The following PPIC variants were observed in gnomAD, a reference collection of about 807,000 sequenced individuals.
PPIC encodes the protein peptidylprolyl isomerase C, also known as peptidyl-prolyl cis-trans isomerase C.
PPIC carries 19 observed loss-of-function variants against 19.5 expected under a neutral mutation model. The observed-to-expected ratio is 0.98, with a 90% CI of 0.68 to 1.43. PPIC has a LOEUF of 1.43. Among genes scored for constraint, PPIC ranks in the 40% most tolerant of loss-of-function variants. The pLI, the probability that PPIC is intolerant of heterozygous loss-of-function variation, is 0.00. For missense variants in PPIC, 268 were observed against 268.6 expected, an observed-to-expected ratio of 1.00 and a Z score of 0.02; for synonymous variants, 107 against 101.2, an observed-to-expected ratio of 1.06 and a Z score of -0.34.
intron 1 of PPIC, among the ~76,000 whole-genome samples, chr5:123,031,110 T>C (rs1344699451): frequency 6.6e-6 from 1 of 152,228 alleles, no homozygotes; most frequent in Non-Finnish European, 1.5e-5. Context: ...TTCAGCTTCA[T>C]GAGTGAGCAT....
At chr5:123,029,502 T>C (rs1053954557) in intron 1 of PPIC, 84 bp from the exon 2 acceptor site, 24 of 1,463,176 alleles carry the variant, frequency 1.6e-5, no homozygotes, top group African/African-American at 1.6e-4. Context: ...AATCTGAGAA[T>C]TGACCCACAT....
intron 3 of PPIC, among the ~76,000 whole-genome samples, chr5:123,026,975 G>A (rs978574686): frequency 5.3e-5 from 8 of 151,996 alleles, no homozygotes; most frequent in African/African-American, 1.9e-4. Context: ...CGGGCAGATC[G>A]CAAGGCCAGG....
intron 1 of PPIC, among the ~76,000 whole-genome samples, chr5:123,033,096 T>A (rs1482219331): frequency 1.3e-5 from 2 of 152,188 alleles, no homozygotes; most frequent in African/African-American, 2.4e-5. Context: ...CACCACTCAA[T>A]GGCCATGGAA....
intron 2 of PPIC, 128 bp from the exon 3 acceptor site, chr5:123,028,996 G>A: frequency 1.1e-6 from 1 of 881,276 alleles, no homozygotes; most frequent in Non-Finnish European, 1.7e-6. Context: ...TTCTATCCCA[G>A]CTATGGTTTA....
chr5:123,034,264 C>A (rs139563226), intron 1 of PPIC, among the ~76,000 whole-genome samples: 1 of 152,308 alleles, frequency 6.6e-6, no homozygotes, highest in Non-Finnish European at 1.5e-5. Flanking sequence ...AGAGCAGAAT[C>A]TGTTTAAGAC....
chr5:123,024,076 C>A, intron 4 of PPIC, 73 bp from the exon 5 acceptor site: 1 of 1,516,216 alleles, frequency 6.6e-7, no homozygotes, highest in Non-Finnish European at 8.9e-7. Flanking sequence ...TAAACCAAAG[C>A]CAACTCCAAA....
At chr5:123,032,148 A>T (rs900075156) in intron 1 of PPIC, among the ~76,000 whole-genome samples, 1 of 152,224 alleles carries the variant, frequency 6.6e-6, no homozygotes, top group Non-Finnish European at 1.5e-5. Flanking sequence ...GCAGGAAGAA[A>T]GAGGGAAGGA....
At position 123,028,848 on chromosome 5, in the gene PPIC, T is replaced by G. The variant is rs768053536; in HGVS notation, c.252A>C (p.Gly84=). 8.5e-4 allele frequency: 1,362 copies of G among 1,611,166 alleles called. 1 individual carries two copies. The highest frequency in any genetic ancestry group is 1.0e-3 in the Non-Finnish European group (1,236 of 1,177,326). The part of the protein sequence containing the change: ...ATGEKGYGYK[G]SKFHRVIKDF... ...CCTTGATGACACGATGAAACTTGCTTCCTTTATATCCATATCCTTTCTAAA... is the reference window on the plus strand; with the variant it reads ...CCTTGATGACACGATGAAACTTGCTGCCTTTATATCCATATCCTTTCTAAA... Residue 84 remains glycine, a synonymous_variant, in exon 3 of 5, where the codon GGA becomes GGC. Transcript: ENST00000306442.
chr5:123,028,918 A>G, intron 2 of PPIC, 50 bp from the exon 3 acceptor site: 1 of 1,424,902 alleles, frequency 7.0e-7, no homozygotes, highest in Non-Finnish European at 9.9e-7. Flanking sequence ...CCATACTGAA[A>G]GATAAACTCA....
Position 123,023,784 on chromosome 5 carries a change from A to G in PPIC, c.*91T>C. The stretch of plus-strand genomic sequence containing the variant: ...TACAAAAAGAAAGTAAAAAAAAAAA[A>G]GCAAATAATTGAAAGACAACACAAC... On this transcript the variant is annotated 3_prime_UTR_variant, in exon 5 of 5. Transcript: ENST00000306442. 7.1e-7 allele frequency: 1 copy of G among 1,399,662 alleles called. No individual in the cohort carries two copies. The highest frequency in any genetic ancestry group is 1.5e-5 in the African/African-American group (1 of 67,104). The allele number at this position is 1,399,662 out of a possible 1,614,324, so 86.7% of individuals were successfully genotyped here. A position where few individuals can be genotyped will look rare whatever the true frequency, so the allele number is the denominator to read the frequency against.
At chr5:123,032,029 G>A (rs12517340) in intron 1 of PPIC, among the ~76,000 whole-genome samples, 6,541 of 152,210 alleles carry the variant, frequency 0.043, 197 homozygotes, top group East Asian at 0.11. Context: ...ACTCCTGACC[G>A]TAAGTGATCC....
Position 123,023,758 on chromosome 5 carries a change from A to G in PPIC, c.*117T>C. On this transcript the variant is annotated 3_prime_UTR_variant, in exon 5 of 5. Transcript: ENST00000306442. ...TAACTTTCCTGTGATCTGGGATAGA[A>G]TACAAAAAGAAAGTAAAAAAAAAAA... 1 of 1,400,358 alleles carries G rather than the reference A, an allele frequency of 7.1e-7. No homozygotes were observed. Among genetic ancestry groups the G allele is most frequent in the Non-Finnish European group, 9.4e-7 (1 of 1,062,028 alleles). 86.7% of individuals were successfully genotyped at this position (1,400,358 alleles called of 1,614,324 possible). A position where few individuals can be genotyped will look rare whatever the true frequency, so the allele number is the denominator to read the frequency against.
chr5:123,026,146 C>G (rs546489846), intron 3 of PPIC, among the ~76,000 whole-genome samples, 178 bp from the exon 4 acceptor site: 51 of 152,230 alleles, frequency 3.4e-4, no homozygotes, highest in African/African-American at 1.2e-3. Context: ...CTTAAGGGAA[C>G]AGGGCACTAG....
chr5:123,029,620 C>T (rs1235973104), intron 1 of PPIC, among the ~76,000 whole-genome samples: 1 of 152,156 alleles, frequency 6.6e-6, no homozygotes, highest in Non-Finnish European at 1.5e-5. Flanking sequence ...TTTCAAGAAA[C>T]ATTTATTAAG....
At chr5:123,032,332 G>A (rs1270094074) in intron 1 of PPIC, among the ~76,000 whole-genome samples, 1 of 152,236 alleles carries the variant, frequency 6.6e-6, no homozygotes, top group East Asian at 1.9e-4. Context: ...CTATGAGTGT[G>A]AGAGCCAGAA....
At chr5:123,034,580 G>A (rs1228196033) in intron 1 of PPIC, among the ~76,000 whole-genome samples, 1 of 152,208 alleles carries the variant, frequency 6.6e-6, no homozygotes, top group Admixed American at 6.5e-5. Context: ...TCTGGGGTGG[G>A]TCACTGCATC....
intron 3 of PPIC, among the ~76,000 whole-genome samples, chr5:123,026,689 C>T (rs1762859724): frequency 6.6e-6 from 1 of 152,164 alleles, no homozygotes; most frequent in Non-Finnish European, 1.5e-5. Context: ...ATTGGGAGCA[C>T]CCAGTGGTCA....
chr5:123,023,905 C>T lies in PPIC; in HGVS notation c.609G>A (p.Thr203=). The change falls in exon 5 of 5, where the codon ACG becomes ACA. Residue 203 remains threonine, a synonymous_variant. Transcript: ENST00000306442. The stretch of plus-strand genomic sequence containing the variant: ...AATCAGCGATCTCAACCACAAAAGG[C>T]GTTTTCACGTCTATCTTGCCACTGT... The part of the protein sequence containing the change: ...IINSGKIDVK[T]PFVVEIADW 6.2e-7 allele frequency: 1 copy of T among 1,613,574 alleles called. No homozygotes were observed.
intron 1 of PPIC, among the ~76,000 whole-genome samples, chr5:123,034,938 C>T (rs1422031616): frequency 1.3e-5 from 2 of 152,224 alleles, no homozygotes; most frequent in African/African-American, 4.8e-5. Flanking sequence ...ATATTGAGAT[C>T]ATGCCATTCT....
Sources: gnomAD v4.1 joint callset for allele counts (sites outside exome capture counted in the v4.1 genomes callset) on GRCh38, gnomAD v4.1.1 for gene constraint, MANE v1.5 for transcripts, NCBI Gene and HGNC (gene_info 2026-07-23, HGNC 2026-07-21) for gene names.